GOLGA1: variants seen among roughly 807,000 people sequenced by gnomAD.
GOLGA1 encodes the protein golgin subfamily A member 1.
Under a neutral mutation model 119.7 loss-of-function variants are expected in GOLGA1, and 63 were observed. That is an observed-to-expected ratio of 0.53 (90% CI 0.43 to 0.65). The LOEUF (loss-of-function observed/expected upper bound fraction) is 0.65. GOLGA1 is among the 30% of genes least tolerant of loss of function. The probability of loss-of-function intolerance (pLI) is 0.00; values close to 1 mark genes in which losing one functional copy is unlikely to be tolerated. For synonymous variants in GOLGA1, 318 were observed against 333.4 expected (o/e 0.95, Z 0.50); for missense variants, 798 against 912.8 (o/e 0.87, Z 1.62).
intron 10 of GOLGA1, among the ~76,000 whole-genome samples, 196 bp from the exon 11 acceptor site, chr9:124,912,222 C>T (rs1159460411): frequency 1.3e-5 from 2 of 152,154 alleles, no homozygotes; most frequent in African/African-American, 4.8e-5. Flanking sequence ...GGATCCAGCT[C>T]AGACCTAGTG....
chr9:124,895,382 CCTCCACAACAGAGACT>C (rs1829949874), intron 15 of GOLGA1, among the ~76,000 whole-genome samples: 3 of 146,138 alleles, frequency 2.1e-5, no homozygotes, highest in Admixed American at 7.4e-5. Context: ...AACAGAGAAC[CCTCCACAACAGAGACT>C]CTCCACAACA....
intron 12 of GOLGA1, among the ~76,000 whole-genome samples, chr9:124,902,519 C>T (rs1830130767): frequency 6.6e-6 from 1 of 151,704 alleles, no homozygotes; most frequent in African/African-American, 2.4e-5. Flanking sequence ...GACAGTCTTG[C>T]TCTGTCGCCC....
Position 124,908,377 on chromosome 9 carries a change from C to G in GOLGA1, c.1065G>C (p.Arg355=). The change falls in exon 12 of 23, where the codon CGG becomes CGC. Residue 355 remains arginine, a splice_region_variant and synonymous_variant. Coordinates refer to ENST00000373555, the MANE Select transcript of GOLGA1 (RefSeq NM_002077.4). ...QAKAINTLET[R]VRELEQTLQA... Reference sequence around the variant, plus strand: ...GAAACACCAGGAGTAAGGTCAGTACCCGAGTCTCCAGGGTGTTAATGGCCT... The same window carrying G: ...GAAACACCAGGAGTAAGGTCAGTACGCGAGTCTCCAGGGTGTTAATGGCCT... 6.4e-7 allele frequency: 1 copy of G among 1,551,166 alleles called. No homozygotes were observed. Among genetic ancestry groups the G allele is most frequent in the Non-Finnish European group, 8.9e-7 (1 of 1,122,458 alleles).
At chr9:124,882,648 G>A (rs570250272) in intron 19 of GOLGA1, 79 bp from the exon 20 acceptor site, 40 of 1,144,038 alleles carry the variant, frequency 3.5e-5, no homozygotes, top group East Asian at 7.1e-5. Context: ...AAGATCCCAC[G>A]GGATCCCCTG....
At chr9:124,908,342 C>T in intron 12 of GOLGA1, 35 bp downstream of exon 12, 1 of 1,159,036 alleles carries the variant, frequency 8.6e-7, no homozygotes, top group Non-Finnish European at 1.3e-6. Flanking sequence ...AGGTTACCAC[C>T]CAAACTTAGG....
intron 7 of GOLGA1, among the ~76,000 whole-genome samples, chr9:124,926,073 C>G (rs1288522885): frequency 6.6e-6 from 1 of 152,178 alleles, no homozygotes; most frequent in East Asian, 1.9e-4. Context: ...CAATCAGAAC[C>G]GCAGCAGGAA....
At chr9:124,944,247 A>T (rs2131557569), upstream of GOLGA1, 1 of 152,228 alleles carries the variant, frequency 6.6e-6, no homozygotes, top group East Asian at 1.9e-4. Context: ...CTTTTTAATG[A>T]TACAGTAACA....
intron 10 of GOLGA1, 114 bp downstream of exon 10, chr9:124,921,015 A>ATG: frequency 1.4e-6 from 1 of 708,446 alleles, no homozygotes. Context: ...AAATGGAGCC[A>ATG]TGTGGACTGC....
Position 124,888,761 on chromosome 9 carries a change from C to T in GOLGA1, c.1762-365G>A, listed in dbSNP as rs1433985786. ...TGTCACCCAGGCTGGAGTGCAGTGG[C>T]GCAATCTCGGCTCCACCAAGCTCCG... On this transcript the variant is annotated intron_variant, in intron 18 of 22. Transcript: ENST00000373555. The surrounding 1 kb of genome is among the most constrained non-coding windows in gnomAD (Gnocchi z 4.4). Among the ~76,000 whole-genome samples the T allele has an allele frequency of 2.0e-5, 3 of 152,058 alleles. No individual in the cohort carries two copies. The highest frequency in any genetic ancestry group is 2.9e-5 in the Non-Finnish European group (2 of 68,006).
intron 3 of GOLGA1, among the ~76,000 whole-genome samples, chr9:124,934,352 G>C (rs1218591859): frequency 6.6e-6 from 1 of 152,110 alleles, no homozygotes; most frequent in African/African-American, 2.4e-5. Flanking sequence ...AGCCAGGAGG[G>C]GTAAAGGGTA....
intron 3 of GOLGA1, among the ~76,000 whole-genome samples, chr9:124,933,286 C>G (rs1486390342): frequency 6.6e-6 from 1 of 152,202 alleles, no homozygotes; most frequent in African/African-American, 2.4e-5. Context: ...TGGTCCTTGG[C>G]TGGCATCTGG....
At chr9:124,885,076 C>T (rs1829687337) in intron 19 of GOLGA1, among the ~76,000 whole-genome samples, 1 of 152,208 alleles carries the variant, frequency 6.6e-6, no homozygotes, top group Non-Finnish European at 1.5e-5. Context: ...CGCCTGTAAT[C>T]CCAGCACTTT....
chr9:124,904,525 A>C (rs1830180385), intron 12 of GOLGA1, among the ~76,000 whole-genome samples: 1 of 152,238 alleles, frequency 6.6e-6, no homozygotes, highest in Admixed American at 6.5e-5. Context: ...AATTAAACAA[A>C]TTGGCCAGCA....
At chr9:124,939,451 C>A (rs967395506) in intron 2 of GOLGA1, among the ~76,000 whole-genome samples, 6 of 150,686 alleles carry the variant, frequency 4.0e-5, no homozygotes, top group Admixed American at 6.6e-5. Context: ...CCAGACAACT[C>A]TATTATATAA....
upstream of GOLGA1, chr9:124,943,573 C>T (rs1831094118): frequency 6.6e-6 from 1 of 152,196 alleles, no homozygotes; most frequent in Non-Finnish European, 1.5e-5. Flanking sequence ...ATTTCAGTTA[C>T]AGACAAGCAC....
intron 15 of GOLGA1, among the ~76,000 whole-genome samples, chr9:124,896,091 C>G (rs1194222923): frequency 6.6e-6 from 1 of 152,224 alleles, no homozygotes; most frequent in African/African-American, 2.4e-5. Context: ...TCTACAATTC[C>G]TATTTTTTTC....
chr9:124,911,835 T>C lies in GOLGA1; in HGVS notation c.969+66A>G, dbSNP rs548941909. 9.8e-6 allele frequency: 14 copies of C among 1,422,736 alleles called. No individual in the cohort carries two copies. The South Asian group carries it at 1.2e-4, about 12-fold the overall frequency. The allele number at this position is 1,422,736 out of a possible 1,614,324, so 88.1% of individuals were successfully genotyped here. Reference sequence around the variant, plus strand: ...CCCTACAGCTCTGAAACTCTAGGAATTGTGAAGTCACCAGAATCAACCCTG... The same window carrying C: ...CCCTACAGCTCTGAAACTCTAGGAACTGTGAAGTCACCAGAATCAACCCTG... On this transcript the variant is annotated intron_variant, in intron 11 of 22. Transcript: ENST00000373555.
Position 124,923,856 on chromosome 9 carries a change from C to T in GOLGA1, c.433-633G>A, listed in dbSNP as rs1010178625. Among the ~76,000 whole-genome samples the T allele has an allele frequency of 5.3e-5, 8 of 151,930 alleles. No homozygotes were observed. The East Asian group carries it at 5.8e-4, about 11-fold the overall frequency. On this transcript the variant is annotated intron_variant, in intron 7 of 22. Transcript: ENST00000373555. ...ATATTTTATGTGTCTACTCTTTCGT[C>T]GTTGTTGTTTGTTTTTTGACACAGA...
At chr9:124,901,247 A>C (rs1258771848) in intron 12 of GOLGA1, among the ~76,000 whole-genome samples, 5 of 149,626 alleles carry the variant, frequency 3.3e-5, no homozygotes, top group African/African-American at 1.2e-4. Flanking sequence ...CTGGGGCTAC[A>C]GGCGTGAGCC....
Sources: gnomAD v4.1 joint callset for allele counts (sites outside exome capture counted in the v4.1 genomes callset) on GRCh38, gnomAD v4.1.1 for gene constraint, Gnocchi (gnomAD v3.1) non-coding constraint, MANE v1.5 for transcripts, NCBI Gene and HGNC (gene_info 2026-07-23, HGNC 2026-07-21) for gene names.